The following RIMS2 variants were observed in gnomAD, a reference collection of about 807,000 sequenced individuals.
RIMS2 encodes regulating synaptic membrane exocytosis 2, also known as regulating synaptic membrane exocytosis protein 2.
A neutral mutation model predicts 174.4 loss-of-function variants in RIMS2; 59 were observed. The ratio of observed to expected loss-of-function variants is 0.34; its 90% CI spans 0.27 to 0.42. RIMS2 has a LOEUF of 0.42. Among genes scored for constraint, RIMS2 ranks in the 10% least tolerant of loss-of-function variants. The pLI is 1.00. For synonymous variants in RIMS2, 606 were observed against 572.5 expected (o/e 1.06, Z -0.84); for missense variants, 1,620 against 1,666.3 (o/e 0.97, Z 0.48).
At position 103,708,513 on chromosome 8, in the gene RIMS2, C is replaced by A. The variant is rs572053139; in HGVS notation, c.387+11217C>A. ...TGATGTTTTAATTTTCATGAAGGTG[C>A]CTTTTTGTGTAGATAGTTGTTCAAA... On this transcript the variant is annotated intron_variant, in intron 2 of 23. Transcript: ENST00000504942. 2.0e-5 allele frequency among the ~76,000 whole-genome samples: 3 copies of A among 152,184 alleles called. No individual in the cohort carries two copies. The South Asian group carries it at 6.2e-4, about 32-fold the overall frequency.
chr8:103,769,339 G>T (rs563821536), intron 3 of RIMS2, among the ~76,000 whole-genome samples: 6 of 152,146 alleles, frequency 3.9e-5, no homozygotes, highest in African/African-American at 1.4e-4. Flanking sequence ...GTTTGTTTTT[G>T]TTTTGAGACA....
chr8:103,912,147 A>T lies in RIMS2; in HGVS notation c.1787A>T (p.Asp596Val), dbSNP rs530483097. The change falls in exon 6 of 24, where the codon GAT (aspartate) becomes GTT (valine). Residue 596 changes from aspartate to valine, a missense_variant. Around this residue, in one of 2 missense-constraint regions of RIMS2, gnomAD observed 1,395 missense variants for 1,360.1 expected, o/e 1.03. Transcript: ENST00000504942. ...CTAAAAGATGGAAGTGTACCTCGAGATTCAGGAGCAATGCTTGGCTTGAAG... is the reference window on the plus strand; with the variant it reads ...CTAAAAGATGGAAGTGTACCTCGAGTTTCAGGAGCAATGCTTGGCTTGAAG... 4 of 1,607,726 alleles carry T rather than the reference A, an allele frequency of 2.5e-6. No individual in the cohort carries two copies. In the South Asian group the frequency reaches 3.3e-5, roughly 13 times the overall value.
intron 19 of RIMS2, among the ~76,000 whole-genome samples, chr8:104,105,773 T>G (rs1388690693): frequency 6.6e-6 from 1 of 151,698 alleles, no homozygotes; most frequent in African/African-American, 2.4e-5. Flanking sequence ...GCATGGTGGC[T>G]CACACCTGTA....
intron 12 of RIMS2, among the ~76,000 whole-genome samples, chr8:103,933,492 T>TA (rs750468247): frequency 4.6e-5 from 7 of 151,726 alleles, no homozygotes; most frequent in Admixed American, 1.3e-4. Context: ...CCATCTCAAA[T>TA]AAAAAAAAGA....
At chr8:104,204,489 A>G (rs932822103) in intron 19 of RIMS2, among the ~76,000 whole-genome samples, 3 of 152,166 alleles carry the variant, frequency 2.0e-5, no homozygotes, top group Non-Finnish European at 2.9e-5. Flanking sequence ...GGGGTGTTGT[A>G]CAGAAGCTGG....
intron 1 of RIMS2, among the ~76,000 whole-genome samples, chr8:103,546,804 C>T (rs1029254852): frequency 6.6e-6 from 1 of 152,176 alleles, no homozygotes; most frequent in Non-Finnish European, 1.5e-5. Context: ...TGACTCCCAG[C>T]CCCACGAAGC....
chr8:103,588,537 C>G (rs2094089980), intron 1 of RIMS2, among the ~76,000 whole-genome samples: 1 of 151,920 alleles, frequency 6.6e-6, no homozygotes. Flanking sequence ...ACAAAAACAG[C>G]ATGGTACTGG....
chr8:104,087,450 G>A (rs1290880670), intron 19 of RIMS2, among the ~76,000 whole-genome samples: 2 of 152,044 alleles, frequency 1.3e-5, no homozygotes, highest in Non-Finnish European at 2.9e-5. Flanking sequence ...TGTAATAAAG[G>A]CATGAGTAAA....
intron 3 of RIMS2, among the ~76,000 whole-genome samples, chr8:103,843,657 T>C (rs528810681): frequency 6.6e-6 from 1 of 152,318 alleles, no homozygotes; most frequent in South Asian, 2.1e-4. Flanking sequence ...ATAGTTAGAA[T>C]AGTGCATATT....
At chr8:103,853,916 C>T (rs572908043) in intron 3 of RIMS2, among the ~76,000 whole-genome samples, 129 of 151,696 alleles carry the variant, frequency 8.5e-4, no homozygotes, top group Non-Finnish European at 1.7e-3. Flanking sequence ...TTTTCTAATT[C>T]TGTGAAGAAT....
intron 2 of RIMS2, among the ~76,000 whole-genome samples, chr8:103,747,740 G>A (rs1304183108): frequency 2.0e-5 from 3 of 151,020 alleles, no homozygotes; most frequent in African/African-American, 7.3e-5. Flanking sequence ...CTGGAAGAAT[G>A]GTAAGTTGCC....
chr8:103,897,304 C>T (rs568675584), intron 4 of RIMS2, among the ~76,000 whole-genome samples: 2 of 151,776 alleles, frequency 1.3e-5, no homozygotes, highest in African/African-American at 4.9e-5. Context: ...TTGAATAGGG[C>T]TGTGGTACAG....
At position 103,696,981 on chromosome 8, in the gene RIMS2, A is replaced by G. The variant is rs368466905; in HGVS notation, c.177-105A>G. The G allele has an allele frequency of 6.2e-5, 41 of 663,962 alleles. 1 individual carries two copies. Among genetic ancestry groups the G allele is most frequent in the East Asian group, 2.5e-4 (9 of 36,398 alleles). The allele number at this position is 663,962 out of a possible 1,614,324, so 41.1% of individuals were successfully genotyped here. A position where few individuals can be genotyped will look rare whatever the true frequency, so the allele number is the denominator to read the frequency against. ...TTAAATTTTCATTCTTTTTATTCTCATCTTGTATTTTTTTGGTTATAAAAC... is the reference window on the plus strand; with the variant it reads ...TTAAATTTTCATTCTTTTTATTCTCGTCTTGTATTTTTTTGGTTATAAAAC... On this transcript the variant is annotated intron_variant, in intron 1 of 23. Transcript: ENST00000504942.
chr8:103,634,689 T>C (rs1243006640), intron 1 of RIMS2, among the ~76,000 whole-genome samples: 1 of 152,228 alleles, frequency 6.6e-6, no homozygotes, highest in African/African-American at 2.4e-5. Flanking sequence ...GCTTTATGAA[T>C]CTGGTTGCTC....
intron 19 of RIMS2, among the ~76,000 whole-genome samples, 187 bp downstream of exon 25, chr8:104,149,035 G>A (rs2098668268): frequency 6.6e-6 from 1 of 152,208 alleles, no homozygotes; most frequent in African/African-American, 2.4e-5. Flanking sequence ...CAATGAGCCT[G>A]CTTCCAAGTG....
intron 1 of RIMS2, among the ~76,000 whole-genome samples, chr8:103,611,358 G>T (rs958335177): frequency 6.6e-6 from 1 of 152,038 alleles, no homozygotes; most frequent in Non-Finnish European, 1.5e-5. Flanking sequence ...TACAGCAGTT[G>T]CAGTGTTTTA....
intron 2 of RIMS2, among the ~76,000 whole-genome samples, chr8:103,762,307 G>A (rs2098121263): frequency 6.6e-6 from 1 of 151,944 alleles, no homozygotes; most frequent in Non-Finnish European, 1.5e-5. Flanking sequence ...TGTATTCTCA[G>A]GTTCTAGATG....
intron 3 of RIMS2, among the ~76,000 whole-genome samples, chr8:103,853,897 C>T (rs748096391): frequency 1.3e-5 from 2 of 151,646 alleles, no homozygotes; most frequent in African/African-American, 4.8e-5. Flanking sequence ...AATTTTAGAA[C>T]AGCTTTTTTT....
At chr8:104,123,605 C>T (rs1363471385) in intron 19 of RIMS2, among the ~76,000 whole-genome samples, 5 of 149,916 alleles carry the variant, frequency 3.3e-5, no homozygotes, top group Admixed American at 6.7e-5. Flanking sequence ...AAATATGTTC[C>T]ATGTAGTAAT....
Sources: gnomAD v4.1 joint callset for allele counts (sites outside exome capture counted in the v4.1 genomes callset) on GRCh38, gnomAD v4.1.1 for gene constraint, gnomAD v4.1.1 regional missense constraint, MANE v1.5 for transcripts, NCBI Gene and HGNC (gene_info 2026-07-23, HGNC 2026-07-21) for gene names.